The following JARID2 variants were observed in gnomAD, a reference collection of about 807,000 sequenced individuals.
The protein encoded by JARID2 is protein Jumonji.
Under a neutral mutation model 125.6 loss-of-function variants are expected in JARID2, and 21 were observed. The ratio of observed to expected loss-of-function variants is 0.17; its 90% CI spans 0.12 to 0.24. JARID2 has a LOEUF of 0.24. Ranked by LOEUF, JARID2 falls within the 10% of genes least tolerant of loss-of-function variation. The probability of loss-of-function intolerance (pLI) is 1.00; values close to 1 mark genes in which losing one functional copy is unlikely to be tolerated. For synonymous variants in JARID2, 736 were observed against 661.6 expected (o/e 1.11, Z -1.73); for missense variants, 1,303 against 1,639.6 (o/e 0.79, Z 3.55).
At chr6:15,421,964 G>C (rs1030064391) in intron 3 of JARID2, among the ~76,000 whole-genome samples, 1 of 152,164 alleles carries the variant, frequency 6.6e-6, no homozygotes, top group Non-Finnish European at 1.5e-5. Flanking sequence ...TTCTGCCAAG[G>C]GATGTATTCC....
intron 2 of JARID2, among the ~76,000 whole-genome samples, chr6:15,380,458 G>C (rs1431380363): frequency 6.6e-6 from 1 of 152,208 alleles, no homozygotes; most frequent in Non-Finnish European, 1.5e-5. Context: ...CAAAAATGTA[G>C]ACTGTGAATT....
chr6:15,424,741 C>T (rs1003959200), intron 3 of JARID2, among the ~76,000 whole-genome samples: 10 of 152,158 alleles, frequency 6.6e-5, no homozygotes, highest in Non-Finnish European at 1.5e-4. Flanking sequence ...TCCTTGTAAT[C>T]CCAGCTACTC....
intron 13 of JARID2, 139 bp from the exon 14 acceptor site, chr6:15,512,069 A>C: frequency 1.4e-6 from 1 of 696,292 alleles, no homozygotes; most frequent in Non-Finnish European, 2.4e-6. Context: ...TGTGTTATGA[A>C]TGACGTCTTT....
chr6:15,269,568 T>TA (rs1161154620), intron 1 of JARID2, among the ~76,000 whole-genome samples: 15 of 145,194 alleles, frequency 1.0e-4, no homozygotes, highest in African/African-American at 3.8e-4. Flanking sequence ...ATGGCTATTT[T>TA]AAAATTTTTT....
intron 17 of JARID2, among the ~76,000 whole-genome samples, chr6:15,519,171 C>T (rs779297379): frequency 1.3e-5 from 2 of 152,240 alleles, no homozygotes; most frequent in Non-Finnish European, 2.9e-5. Flanking sequence ...CACTGCCGCT[C>T]CTCCTCACTT....
chr6:15,450,277 C>T (rs1036840731), intron 3 of JARID2, among the ~76,000 whole-genome samples: 4 of 152,150 alleles, frequency 2.6e-5, no homozygotes, highest in Non-Finnish European at 5.9e-5. Flanking sequence ...TCCAGCGATT[C>T]TCCTGCCTCA....
In JARID2 at chr6:15,520,084, C is replaced by T. The variant is rs1328338228; in HGVS notation, c.3574C>T (p.Leu1192=). The T allele has an allele frequency of 2.5e-6, 4 of 1,612,348 alleles. No individual in the cohort carries two copies. The highest frequency in any genetic ancestry group is 1.7e-5 in the Admixed American group (1 of 59,742). Residue 1192 remains leucine (L), a synonymous_variant, in exon 18 of 18, where the codon CTG becomes TTG. Transcript: ENST00000341776. ...CCCCAAACAGGAACAGATTATCAGT[C>T]TGGTCAATCAGATCTGCGGCAAAGT... ...YRYDEEQIIS[L]VNQICGKVSG...
At chr6:15,489,142 G>T (rs1002915520) in intron 6 of JARID2, among the ~76,000 whole-genome samples, 3 of 152,244 alleles carry the variant, frequency 2.0e-5, no homozygotes, top group African/African-American at 7.2e-5. Flanking sequence ...ATTACACCAT[G>T]TGACTGCATC....
intron 1 of JARID2, among the ~76,000 whole-genome samples, chr6:15,342,251 C>T (rs774762029): frequency 6.6e-6 from 1 of 152,184 alleles, no homozygotes; most frequent in Admixed American, 6.5e-5. Context: ...GCCACAATCT[C>T]TCCACTTGGC....
intron 2 of JARID2, among the ~76,000 whole-genome samples, chr6:15,408,660 A>G (rs1165619689): frequency 6.6e-6 from 1 of 152,256 alleles, no homozygotes; most frequent in Non-Finnish European, 1.5e-5. Flanking sequence ...AATTAATACA[A>G]CATTGTCAAT....
intron 1 of JARID2, among the ~76,000 whole-genome samples, chr6:15,251,186 A>G (rs965483866): frequency 6.6e-6 from 1 of 151,924 alleles, no homozygotes; most frequent in African/African-American, 2.4e-5. Context: ...TAATTTTTGT[A>G]TTTTAGTAGA....
At chr6:15,431,575 T>C (rs953796179) in intron 3 of JARID2, among the ~76,000 whole-genome samples, 2 of 152,368 alleles carry the variant, frequency 1.3e-5, no homozygotes, top group South Asian at 4.1e-4. Flanking sequence ...TTACATATTA[T>C]TCACATTTCT....
chr6:15,260,562 A>G (rs898432583), intron 1 of JARID2, among the ~76,000 whole-genome samples: 5 of 152,196 alleles, frequency 3.3e-5, no homozygotes, highest in Admixed American at 6.5e-5. Context: ...TCAAATATAA[A>G]CACCAGCTCA....
At chr6:15,255,535 C>T (rs1304150589) in intron 1 of JARID2, among the ~76,000 whole-genome samples, 1 of 152,170 alleles carries the variant, frequency 6.6e-6, no homozygotes, top group Non-Finnish European at 1.5e-5. Context: ...GATCTTCTGA[C>T]ACCCAGTTTA....
chr6:15,392,640 A>C (rs1464528758), intron 2 of JARID2, among the ~76,000 whole-genome samples: 1 of 145,944 alleles, frequency 6.9e-6, no homozygotes, highest in Admixed American at 6.8e-5. Flanking sequence ...GCTACCTGTG[A>C]TGCTTGAACT....
chr6:15,379,537 A>C (rs1023843045), intron 2 of JARID2, among the ~76,000 whole-genome samples: 2 of 152,122 alleles, frequency 1.3e-5, no homozygotes, highest in African/African-American at 4.8e-5. Context: ...ACTGTATTTG[A>C]ATTTCATTTG....
At chr6:15,364,272 C>G (rs1478037925) in intron 1 of JARID2, among the ~76,000 whole-genome samples, 1 of 152,170 alleles carries the variant, frequency 6.6e-6, no homozygotes, top group African/African-American at 2.4e-5. Flanking sequence ...CTAACCAGCC[C>G]TGTCAGTAAG....
chr6:15,483,676 C>A (rs1217884933), intron 5 of JARID2, among the ~76,000 whole-genome samples: 2 of 152,124 alleles, frequency 1.3e-5, no homozygotes, highest in African/African-American at 4.8e-5. Flanking sequence ...TGATTTCCCC[C>A]AATTTTTAAC....
chr6:15,468,348 T>C (rs1768847346), intron 4 of JARID2, among the ~76,000 whole-genome samples, 194 bp from the exon 5 acceptor site: 1 of 152,186 alleles, frequency 6.6e-6, no homozygotes, highest in Non-Finnish European at 1.5e-5. Context: ...ATCTTCTTCC[T>C]GCTGGGGGAT....
Sources: gnomAD v4.1 joint callset for allele counts (sites outside exome capture counted in the v4.1 genomes callset) on GRCh38, gnomAD v4.1.1 for gene constraint, MANE v1.5 for transcripts, NCBI Gene and HGNC (gene_info 2026-07-23, HGNC 2026-07-21) for gene names.